Variants in TOP3A observed in about 807,000 individuals in gnomAD.
The protein encoded by TOP3A is DNA topoisomerase III alpha.
A neutral mutation model predicts 111.3 loss-of-function variants in TOP3A; 64 were observed. The observed-to-expected ratio is 0.57, with a 90% CI of 0.47 to 0.71. The LOEUF (loss-of-function observed/expected upper bound fraction) is 0.71. TOP3A is among the 30% of genes least tolerant of loss of function. TOP3A has a pLI of 0.00. For missense variants in TOP3A, 1,104 were observed against 1,285.0 expected (o/e 0.86, Z 2.15); for synonymous variants, 484 against 485.1 (o/e 1.00, Z 0.03).
At chr17:18,278,421 T>C in intron 17 of TOP3A, 64 bp from the exon 18 acceptor site, 2 of 1,437,172 alleles carry the variant, frequency 1.4e-6, no homozygotes, top group Non-Finnish European at 1.9e-6. Context: ...CTTAGTCCAG[T>C]GAGGGCTGCT....
At chr17:18,312,355 T>G (rs1356204895) in intron 1 of TOP3A, 1 of 152,592 alleles carries the variant, frequency 6.6e-6, no homozygotes, top group Non-Finnish European at 1.5e-5. Context: ...AAGGGTCAGC[T>G]GGTGGTGGAT....
chr17:18,305,185 A>G lies in TOP3A; in HGVS notation c.426T>C (p.Ala142=). 13 of 1,614,170 alleles carry G rather than the reference A, an allele frequency of 8.1e-6. No homozygotes were observed. The South Asian group carries it at 1.4e-4, about 18-fold the overall frequency. ...TATCACAGTCAGTCCAGATCACCAG[A>G]GCCTGGCACTGGCGAGTCTCTCGTT... ...TLERETRQCQ[A]LVIWTDCDRE... Residue 142 remains alanine, a synonymous_variant, in exon 5 of 19, where the codon GCT becomes GCC. Transcript: ENST00000321105.
chr17:18,298,116 C>A (rs1250959771), intron 9 of TOP3A, among the ~76,000 whole-genome samples: 1 of 151,292 alleles, frequency 6.6e-6, no homozygotes, highest in Non-Finnish European at 1.5e-5. Flanking sequence ...CCGGCCGCCC[C>A]GTCTGAGAGG....
At chr17:18,279,718 GCT>G (rs1411160703) in intron 17 of TOP3A, among the ~76,000 whole-genome samples, 1 of 152,060 alleles carries the variant, frequency 6.6e-6, no homozygotes, top group Admixed American at 6.5e-5. Context: ...ACAGGGTCTG[GCT>G]CTGTCATTCC....
chr17:18,308,973 T>G, intron 1 of TOP3A, 32 bp from the exon 2 acceptor site: 1 of 1,235,660 alleles, frequency 8.1e-7, no homozygotes, highest in Non-Finnish European at 1.1e-6. Context: ...AAAATATAAA[T>G]TACGTTTAAA....
chr17:18,288,642 C>A (rs1217743470), intron 13 of TOP3A, among the ~76,000 whole-genome samples: 2 of 152,144 alleles, frequency 1.3e-5, no homozygotes, highest in Admixed American at 1.3e-4. Flanking sequence ...CCCCTCCAAT[C>A]CAGCTACAGC....
chr17:18,282,957 G>A (rs1336010329), intron 15 of TOP3A, 116 bp from the exon 16 acceptor site: 49 of 1,343,942 alleles, frequency 3.6e-5, no homozygotes, highest in Non-Finnish European at 4.3e-5. Context: ...TCAGTGAGCC[G>A]CAGGCCTCCT....
intron 16 of TOP3A, 42 bp downstream of exon 16, chr17:18,282,656 G>A (rs761285458): frequency 1.2e-6 from 2 of 1,611,212 alleles, no homozygotes; most frequent in South Asian, 1.1e-5. Context: ...GACACCGCAG[G>A]TGCTGGGGAG....
intron 15 of TOP3A, among the ~76,000 whole-genome samples, chr17:18,283,655 C>T (rs1567736875): frequency 2.0e-5 from 3 of 152,274 alleles, no homozygotes; most frequent in South Asian, 4.1e-4. Flanking sequence ...ATCCATCTAA[C>T]GGTTAAGGGC....
intron 13 of TOP3A, among the ~76,000 whole-genome samples, chr17:18,285,935 T>C (rs7219628): frequency 0.5 from 75,803 of 152,042 alleles, 20,319 homozygotes; most frequent in African/African-American, 0.7. Context: ...AGCAGTGGCT[T>C]ATGCCTGTAA....
rs867816467 is a variant in TOP3A at position 18,280,319 on chromosome 17, G to A, written c.2144+217C>T. ...GAGCCCTTCATGGTTCTTTGCCCATGGCCCACTCCAAACAGGGTCATACCT... is the reference window on the plus strand; with the variant it reads ...GAGCCCTTCATGGTTCTTTGCCCATAGCCCACTCCAAACAGGGTCATACCT... On this transcript the variant is annotated intron_variant, in intron 17 of 18. Coordinates refer to ENST00000321105, the MANE Select transcript of TOP3A (RefSeq NM_004618.5). 12 of 434,004 alleles carry A rather than the reference G, an allele frequency of 2.8e-5. No homozygotes were observed. The South Asian group carries it at 4.4e-4, about 16-fold the overall frequency. The allele number at this position is 434,004 out of a possible 1,614,324, so 26.9% of individuals were successfully genotyped here.
At chr17:18,303,025 A>G in intron 5 of TOP3A, 1 of 279,194 alleles carries the variant, frequency 3.6e-6, no homozygotes, top group African/African-American at 2.2e-5. Flanking sequence ...ACATAAAGAA[A>G]CTCCATTTTG....
chr17:18,289,592 C>T (rs118091870), intron 13 of TOP3A, among the ~76,000 whole-genome samples: 2,521 of 152,238 alleles, frequency 0.017, 30 homozygotes, highest in Middle Eastern at 0.034. Flanking sequence ...GGGGTTTTAC[C>T]GTGTTGCCCA....
At chr17:18,300,135 C>T (rs755154608) in intron 8 of TOP3A, among the ~76,000 whole-genome samples, 8 of 152,020 alleles carry the variant, frequency 5.3e-5, no homozygotes, top group Non-Finnish European at 1.0e-4. Context: ...CAGTGGCTCA[C>T]GCCTGTAATC....
chr17:18,295,305 G>C (rs772764149), intron 9 of TOP3A, among the ~76,000 whole-genome samples: 1 of 151,926 alleles, frequency 6.6e-6, no homozygotes, highest in Non-Finnish European at 1.5e-5. Flanking sequence ...TCACCACCAT[G>C]CTTGGCAAAT....
At position 18,278,103 on chromosome 17, in the gene TOP3A, G is replaced by A; in HGVS notation, c.2399C>T (p.Pro800Leu). The A allele has an allele frequency of 6.2e-7, 1 of 1,614,218 alleles. No individual in the cohort carries two copies. ...GCTTTCACCAGCAGCCGTGGGTGGTGGGAGGGTCTGGGCCAGAGCCTTTGA... is the reference window on the plus strand; with the variant it reads ...GCTTTCACCAGCAGCCGTGGGTGGTAGGAGGGTCTGGGCCAGAGCCTTTGA... ...GSSKALAQTL[P>L]PPTAAGESNS... The change falls in exon 18 of 19, where the codon CCA (proline) becomes CTA (leucine). Residue 800 changes from proline (P) to leucine (L), a missense_variant. Coordinates refer to ENST00000321105, the MANE Select transcript of TOP3A (RefSeq NM_004618.5).
At chr17:18,298,492 G>T (rs933209320) in intron 9 of TOP3A, among the ~76,000 whole-genome samples, 10 of 149,450 alleles carry the variant, frequency 6.7e-5, no homozygotes, top group African/African-American at 2.5e-4. Context: ...GCCTCTGCCC[G>T]GCTGCCCCTA....
Position 18,274,604 on chromosome 17 carries a change from G to T in TOP3A, c.*198C>A. The stretch of plus-strand genomic sequence containing the variant: ...GTCACTCCTGAGGCCTGGGAAGAGG[G>T]TCACTGTCCAGCAGAGCTGGCCTGC... On this transcript the variant is annotated 3_prime_UTR_variant, in exon 19 of 19. Transcript: ENST00000321105. 1.2e-6 allele frequency: 1 copy of T among 860,092 alleles called. No homozygotes were observed. Among genetic ancestry groups the T allele is most frequent in the Non-Finnish European group, 1.7e-6 (1 of 599,892 alleles). The allele number at this position is 860,092 out of a possible 1,614,324, so 53.3% of individuals were successfully genotyped here.
At chr17:18,293,724 G>A (rs1274828241) in intron 10 of TOP3A, among the ~76,000 whole-genome samples, 1 of 152,002 alleles carries the variant, frequency 6.6e-6, no homozygotes, top group Non-Finnish European at 1.5e-5. Context: ...AGCCTCCTAA[G>A]TAGCTGGGAT....
Sources: allele counts gnomAD v4.1 joint callset (sites outside exome capture counted in the v4.1 genomes callset), GRCh38; gene constraint gnomAD v4.1.1; transcripts MANE v1.5; gene names NCBI Gene and HGNC (gene_info 2026-07-23, HGNC 2026-07-21).